The following ZNF518A variants were observed in gnomAD, a reference collection of about 807,000 sequenced individuals.
The protein encoded by ZNF518A is zinc finger protein 518A, also known as zinc finger protein 518.
ZNF518A carries 47 observed loss-of-function variants against 102.7 expected under a neutral mutation model. The ratio of observed to expected loss-of-function variants is 0.46; its 90% CI spans 0.36 to 0.58. The LOEUF (loss-of-function observed/expected upper bound fraction) is 0.58, where lower values mean the gene tolerates loss of function less well. Among genes scored for constraint, ZNF518A ranks in the 20% least tolerant of loss-of-function variants. The probability of loss-of-function intolerance (pLI) is 0.00; values close to 1 mark genes in which losing one functional copy is unlikely to be tolerated. For missense variants in ZNF518A, 1,793 were observed against 1,699.8 expected (o/e 1.05, Z -0.96); for synonymous variants, 652 against 594.6 (o/e 1.10, Z -1.40).
At chr10:96,187,860 T>C (rs1234567215) in intron 1 of ZNF518A, among the ~76,000 whole-genome samples, 2 of 152,242 alleles carry the variant, frequency 1.3e-5, no homozygotes, top group Non-Finnish European at 2.9e-5. Context: ...TATTTGTTTA[T>C]TTTGAGACAG....
chr10:96,176,446 G>A (rs587745730), intron 1 of ZNF518A, among the ~76,000 whole-genome samples: 12 of 152,240 alleles, frequency 7.9e-5, no homozygotes, highest in East Asian at 3.9e-4. Context: ...AAGCCCAAGC[G>A]GGAAAAGCAT....
chr10:96,158,056 C>T lies in ZNF518A; in HGVS notation c.1734C>T (p.Phe578=). The T allele has an allele frequency of 6.2e-7, 1 of 1,613,714 alleles. No individual in the cohort carries two copies. Among genetic ancestry groups the T allele is most frequent in the Non-Finnish European group, 8.5e-7 (1 of 1,179,766 alleles). Reference sequence around the variant, plus strand: ...TTGAAACAAGAGATAATGTTGACTTCTGGGGAAATCATCTCACTCAGAGTC... The same window carrying T: ...TTGAAACAAGAGATAATGTTGACTTTTGGGGAAATCATCTCACTCAGAGTC... ...TKFETRDNVD[F]WGNHLTQSHP... Residue 578 remains phenylalanine, a synonymous_variant, in exon 6 of 6, where the codon TTC becomes TTT. Transcript: ENST00000316045.
chr10:96,130,053 G>C (rs1270103746), upstream of ZNF518A: 1 of 152,746 alleles, frequency 6.5e-6, no homozygotes, highest in African/African-American at 2.4e-5. Flanking sequence ...TCAGCTTTTC[G>C]GCAATACCCG....
chr10:96,139,166 A>G (rs1392162786), intron 3 of ZNF518A, among the ~76,000 whole-genome samples: 1 of 152,128 alleles, frequency 6.6e-6, no homozygotes, highest in Non-Finnish European at 1.5e-5. Context: ...GAGTATATGT[A>G]CAATGGGGAG....
rs587614636 is a variant in ZNF518A at position 96,197,673 on chromosome 10, C to T, written n.36-5901C>T. On this transcript the variant is annotated intron_variant and non_coding_transcript_variant, in intron 1 of 2. Coordinates refer to the ZNF518A transcript ENST00000442635. ...AACAGAGGTTGGGAATCAAAACTTTCATTTTATATTTGCCCCTGGACTAAA... is the reference window on the plus strand; with the variant it reads ...AACAGAGGTTGGGAATCAAAACTTTTATTTTATATTTGCCCCTGGACTAAA... Among the ~76,000 whole-genome samples the T allele has an allele frequency of 2.2e-4, 33 of 152,176 alleles. No homozygotes were observed. The South Asian group carries it at 2.5e-3, about 11-fold the overall frequency.
At chr10:96,194,794 G>T (rs2083419575) in intron 1 of ZNF518A, among the ~76,000 whole-genome samples, 1 of 36,982 alleles carries the variant, frequency 2.7e-5, no homozygotes, top group Admixed American at 3.4e-4. Context: ...TTTTTGAGAC[G>T]GAGTCTCGCT....
chr10:96,182,767 G>A (rs782759188), intron 1 of ZNF518A, among the ~76,000 whole-genome samples: 1 of 152,194 alleles, frequency 6.6e-6, no homozygotes, highest in African/African-American at 2.4e-5. Flanking sequence ...TATTCATCAA[G>A]GCTATTGCTC....
Position 96,184,368 on chromosome 10 carries a change from C to T in ZNF518A, n.36-19206C>T, listed in dbSNP as rs587728337. Among the ~76,000 whole-genome samples, 18 of 152,230 alleles carry T rather than the reference C, an allele frequency of 1.2e-4. 1 individual carries two copies. In the East Asian group the frequency reaches 1.7e-3, roughly 15 times the overall value. ...TATGATGTTAGCTGGTTATTTTGCC[C>T]GTTAATTGATGCAGTTTCTTCCTAG... On this transcript the variant is annotated intron_variant and non_coding_transcript_variant, in intron 1 of 2. Coordinates refer to the ZNF518A transcript ENST00000442635.
rs782029520 is a variant in ZNF518A at position 96,158,354 on chromosome 10, A to G, written c.2032A>G (p.Ile678Val). Reference sequence around the variant, plus strand: ...CAGCAAAACAGTTGTCCAACAACCAATTAGTGAATCATTTTTATCACTAGT... The same window carrying G: ...CAGCAAAACAGTTGTCCAACAACCAGTTAGTGAATCATTTTTATCACTAGT... Reference protein sequence around the residue: ...SSSKTVVQQPISESFLSLVRQ... With the variant: ...SSSKTVVQQPVSESFLSLVRQ... The change falls in exon 6 of 6, where the codon ATT becomes GTT. Residue 678 changes from isoleucine to valine, a missense_variant. This residue lies in a region of ZNF518A where 1,741 missense variants were observed against 1,622.6 expected (regional missense o/e 1.07). Coordinates refer to ENST00000316045, the MANE Select transcript of ZNF518A (RefSeq NM_001330736.2). The G allele has an allele frequency of 1.9e-6, 3 of 1,613,758 alleles. No individual in the cohort carries two copies. The highest frequency in any genetic ancestry group is 2.2e-5 in the East Asian group (1 of 44,874).
chr10:96,149,500 G>T (rs890696589), intron 3 of ZNF518A, among the ~76,000 whole-genome samples: 1 of 152,210 alleles, frequency 6.6e-6, no homozygotes, highest in Non-Finnish European at 1.5e-5. Context: ...ATAGAGTGGG[G>T]AAGAGAATCT....
intron 1 of ZNF518A, among the ~76,000 whole-genome samples, chr10:96,182,017 C>T (rs1004575266): frequency 1.3e-5 from 2 of 152,076 alleles, no homozygotes; most frequent in African/African-American, 2.4e-5. Flanking sequence ...TTTCATTGAG[C>T]AGTGGTTTGT....
rs1286067291 is a variant in ZNF518A at position 96,160,883 on chromosome 10, G to A, written c.*109G>A. ...CTACTTCAGTATAGTACCTGAAATC[G>A]AACATTTTAAAAGTTGATTGTATTT... On this transcript the variant is annotated 3_prime_UTR_variant, in exon 6 of 6. Transcript: ENST00000316045. 4 of 1,162,562 alleles carry A rather than the reference G, an allele frequency of 3.4e-6. No individual in the cohort carries two copies. The highest frequency in any genetic ancestry group is 3.2e-5 in the African/African-American group (2 of 62,512). 72.0% of individuals were successfully genotyped at this position (1,162,562 alleles called of 1,614,324 possible).
In ZNF518A at chr10:96,160,035, A is replaced by G. The variant is rs977835070; in HGVS notation, c.3713A>G (p.Asn1238Ser). 1 of 1,610,758 alleles carries G rather than the reference A, an allele frequency of 6.2e-7. No individual in the cohort carries two copies. Among genetic ancestry groups the G allele is most frequent in the African/African-American group, 1.3e-5 (1 of 74,646 alleles). The change falls in exon 6 of 6, where the codon AAT (asparagine) becomes AGT (serine). Residue 1238 changes from asparagine to serine, a missense_variant. Asn to Ser is a conservative substitution (Grantham distance 46). Transcript: ENST00000316045. ...SESRVLRCKT[N>S]CRIERNFNRK... Reference sequence around the variant, plus strand: ...TCCAGGGTATTAAGGTGTAAAACAAATTGTAGAATTGAGAGGAACTTCAAT... The same window carrying G: ...TCCAGGGTATTAAGGTGTAAAACAAGTTGTAGAATTGAGAGGAACTTCAAT...
downstream of ZNF518A, among the ~76,000 whole-genome samples, chr10:96,164,176 G>C (rs774315494): frequency 1.3e-5 from 2 of 152,232 alleles, no homozygotes; most frequent in African/African-American, 2.4e-5. Flanking sequence ...CTTGGGGTGG[G>C]AGAAAATGGA....
intron 1 of ZNF518A, among the ~76,000 whole-genome samples, chr10:96,178,815 G>A (rs782509668): frequency 2.6e-5 from 4 of 151,810 alleles, no homozygotes; most frequent in Non-Finnish European, 4.4e-5. Flanking sequence ...AATAAATTTG[G>A]TATCCTAGTT....
chr10:96,141,104 G>T (rs1307695011), intron 3 of ZNF518A, among the ~76,000 whole-genome samples: 8 of 152,270 alleles, frequency 5.3e-5, no homozygotes, highest in African/African-American at 1.9e-4. Context: ...ATGAGAGAAT[G>T]AATAGCTTAA....
chr10:96,153,057 A>G (rs933002795), intron 3 of ZNF518A, among the ~76,000 whole-genome samples: 2 of 152,242 alleles, frequency 1.3e-5, no homozygotes, highest in Admixed American at 1.3e-4. Context: ...CCTCAGAACC[A>G]GAGAACCCAA....
At chr10:96,193,641 CA>C (rs2083384325) in intron 1 of ZNF518A, among the ~76,000 whole-genome samples, 1 of 152,100 alleles carries the variant, frequency 6.6e-6, no homozygotes. Flanking sequence ...TTTATTAATT[CA>C]GTGTATTTGA....
chr10:96,182,958 T>C (rs782079868), intron 1 of ZNF518A, among the ~76,000 whole-genome samples: 1 of 152,344 alleles, frequency 6.6e-6, no homozygotes, highest in South Asian at 2.1e-4. Context: ...GTCCTGGACT[T>C]CTTTTGGTTG....
Sources: gnomAD v4.1 joint callset for allele counts (sites outside exome capture counted in the v4.1 genomes callset) on GRCh38, gnomAD v4.1.1 for gene constraint, gnomAD v4.1.1 regional missense constraint, MANE v1.5 for transcripts, NCBI Gene and HGNC (gene_info 2026-07-23, HGNC 2026-07-21) for gene names.